Variants in CYREN observed in about 807,000 individuals in gnomAD.
CYREN encodes cell cycle regulator of NHEJ.
Under a neutral mutation model 9.7 loss-of-function variants are expected in CYREN, and 7 were observed. That is an observed-to-expected ratio of 0.72 (90% CI 0.41 to 1.36). The LOEUF is 1.36. Among genes scored for constraint, CYREN ranks in the 40% most tolerant of loss-of-function variants. CYREN has a pLI of 0.01. For synonymous variants in CYREN, 76 were observed against 77.9 expected (o/e 0.98, Z 0.13); for missense variants, 215 against 198.1 (o/e 1.09, Z -0.51).
chr7:135,162,764 A>G (rs907093173), downstream of CYREN, among the ~76,000 whole-genome samples: 1 of 152,172 alleles, frequency 6.6e-6, no homozygotes, highest in Non-Finnish European at 1.5e-5. Context: ...CAGCCAAACC[A>G]TATCAGCCGA....
At position 135,099,154 on chromosome 7, in the gene CYREN, A is replaced by G. The variant is rs1439511758; in HGVS notation, n.357-4572T>C. The stretch of plus-strand genomic sequence containing the variant: ...GTATGTAATTATTATATGTTAGACT[A>G]TTTTTTGGTCTGGTATATCTGTGTC... On this transcript the variant is annotated intron_variant and non_coding_transcript_variant, in intron 2 of 2. Transcript: ENST00000459937. Among the ~76,000 whole-genome samples the G allele has an allele frequency of 8.1e-5, 12 of 148,174 alleles. No individual in the cohort carries two copies. In the South Asian group the frequency reaches 2.0e-3, roughly 25 times the overall value.
At chr7:135,107,267 G>A (rs141435485) in intron 2 of CYREN, among the ~76,000 whole-genome samples, 62 of 152,100 alleles carry the variant, frequency 4.1e-4, no homozygotes, top group African/African-American at 1.4e-3. Flanking sequence ...TTTGAAGGAG[G>A]TTTGCTCCTG....
chr7:135,128,306 AAAAAAAAAAAAAACGAAAAAAAAAAAC>A (rs1828217936), intron 2 of CYREN: 3 of 245,292 alleles, frequency 1.2e-5, no homozygotes, highest in East Asian at 1.0e-4. Flanking sequence ...AAAAAAAAAA[AAAAAAAAAAAAAACGAAAAAAAAAAAC>A]AAAACAACAA....
At chr7:135,171,705 T>G (rs1478228346), upstream of CYREN, among the ~76,000 whole-genome samples, 2 of 152,152 alleles carry the variant, frequency 1.3e-5, no homozygotes, top group Non-Finnish European at 2.9e-5. Context: ...TACAGCTCCG[T>G]GTCTGAGAGG....
exon 3 of CYREN, chr7:135,094,258 A>C: frequency 2.5e-6 from 1 of 393,992 alleles, no homozygotes. Flanking sequence ...AAAAAAGCTG[A>C]ACAAACTAAA....
chr7:135,148,257 T>C (rs62479759), intron 2 of CYREN: 236 of 375,930 alleles, frequency 6.3e-4, no homozygotes, highest in Non-Finnish European at 1.1e-3. Flanking sequence ...CTGTGGTCTC[T>C]GCACCTCCTT....
chr7:135,111,030 A>T (rs931490640), intron 2 of CYREN, among the ~76,000 whole-genome samples: 1 of 152,066 alleles, frequency 6.6e-6, no homozygotes, highest in Non-Finnish European at 1.5e-5. Context: ...ACTATTCTAA[A>T]CTTTTTCCTC....
At chr7:135,168,206 G>A (rs1421254996) in intron 2 of CYREN, 1 of 218,628 alleles carries the variant, frequency 4.6e-6, no homozygotes, top group Non-Finnish European at 9.2e-6. Flanking sequence ...TGTCAGTCAG[G>A]AAACCTTAGA....
rs1326644563 is a variant in CYREN, at chr7:135,151,945, G to A, written n.356+16804C>T. 1.3e-5 allele frequency among the ~76,000 whole-genome samples: 2 copies of A among 152,130 alleles called. No homozygotes were observed. The highest frequency in any genetic ancestry group is 1.3e-4 in the Admixed American group (2 of 15,270). On this transcript the variant is annotated intron_variant and non_coding_transcript_variant, in intron 2 of 2. Coordinates refer to the CYREN transcript ENST00000459937. The surrounding 1 kb of genome is among the most constrained non-coding windows in gnomAD (Gnocchi z 4.3). ...CCAGCTTCCTAGAGTTCATCTCTGG[G>A]AATGAACCCTGGCACTATTTGTCTT... is the stretch of plus-strand genomic sequence containing the variant.
intron 2 of CYREN, among the ~76,000 whole-genome samples, chr7:135,119,786 A>G (rs1354978972): frequency 6.6e-6 from 1 of 152,198 alleles, no homozygotes. Context: ...CTGAGGCAGG[A>G]GAATGGCATG....
At chr7:135,093,328 C>T (rs1298946686) in exon 3 of CYREN, 1 of 151,902 alleles carries the variant, frequency 6.6e-6, no homozygotes, top group Non-Finnish European at 1.5e-5. Context: ...ACTATTAGCA[C>T]TAATAAATGA....
rs201040922 is a variant in CYREN, at chr7:135,096,151, C to CA, written n.357-1570dup. ...TGGGTGACAGAGACAGACTCTCTCT[C>CA]AAAAAAAAAAAATTAATCTTTGACT... On this transcript the variant is annotated intron_variant and non_coding_transcript_variant, in intron 2 of 2. Transcript: ENST00000459937. Among the ~76,000 whole-genome samples the CA allele has an allele frequency of 2.8e-3, 418 of 147,814 alleles. 1 individual carries two copies. Among genetic ancestry groups the CA allele is most frequent in the Middle Eastern group, 7.0e-3 (2 of 286 alleles).
chr7:135,120,214 T>C (rs2117234452), intron 2 of CYREN, among the ~76,000 whole-genome samples: 1 of 152,250 alleles, frequency 6.6e-6, no homozygotes, highest in South Asian at 2.1e-4. Context: ...AGATATAAAA[T>C]ACACGTAAAT....
intron 2 of CYREN, among the ~76,000 whole-genome samples, chr7:135,097,311 T>C (rs1823053169): frequency 1.3e-5 from 2 of 152,154 alleles, no homozygotes. Flanking sequence ...GTGTATCAAG[T>C]GATACACTGA....
At chr7:135,114,373 T>G (rs1826029665) in intron 2 of CYREN, among the ~76,000 whole-genome samples, 1 of 151,998 alleles carries the variant, frequency 6.6e-6, no homozygotes, top group Non-Finnish European at 1.5e-5. Flanking sequence ...TTTCTGGAGG[T>G]TTTTTTTGAT....
chr7:135,148,799 T>C (rs1025231545), intron 2 of CYREN, among the ~76,000 whole-genome samples: 2 of 152,234 alleles, frequency 1.3e-5, no homozygotes, highest in Non-Finnish European at 2.9e-5. Context: ...TGTTTAGATC[T>C]TATGTTAGTC....
At chr7:135,128,291 C>CAAAAAAAA (rs61217008) in intron 2 of CYREN, among the ~76,000 whole-genome samples, 1 of 58,070 alleles carries the variant, frequency 1.7e-5, no homozygotes, top group African/African-American at 8.1e-5. Context: ...GACTCCATCT[C>CAAAAAAAA]AAAAAAAAAA....
At chr7:135,131,267 A>G (rs1828722420) in intron 2 of CYREN, among the ~76,000 whole-genome samples, 1 of 152,086 alleles carries the variant, frequency 6.6e-6, no homozygotes, top group Admixed American at 6.6e-5. Flanking sequence ...GAACAGTGAG[A>G]ACACATGGAC....
chr7:135,168,536 C>A (rs1830405831), intron 2 of CYREN: 1 of 514,854 alleles, frequency 1.9e-6, no homozygotes, highest in Admixed American at 3.7e-5. Flanking sequence ...ACATGGAGAA[C>A]CCACTCTGTG....
Sources: allele counts gnomAD v4.1 joint callset (sites outside exome capture counted in the v4.1 genomes callset), GRCh38; gene constraint gnomAD v4.1.1; non-coding constraint Gnocchi (gnomAD v3.1); transcripts MANE v1.5; gene names NCBI Gene and HGNC (gene_info 2026-07-23, HGNC 2026-07-21).